The following ETV6 variants were observed in gnomAD, a reference collection of about 807,000 sequenced individuals.
ETV6 encodes the protein transcription factor ETV6.
A neutral mutation model predicts 51.1 loss-of-function variants in ETV6; 16 were observed. The ratio of observed to expected loss-of-function variants is 0.31; its 90% CI spans 0.21 to 0.48. The LOEUF is 0.48. ETV6 is among the 20% of genes least tolerant of loss of function. The probability of loss-of-function intolerance (pLI) is 0.99; values close to 1 mark genes in which losing one functional copy is unlikely to be tolerated. For missense variants in ETV6, 458 were observed against 594.8 expected (o/e 0.77, Z 2.39); for synonymous variants, 240 against 224.1 (o/e 1.07, Z -0.64).
At chr12:11,672,168 C>A (rs1028869456) in intron 1 of ETV6, among the ~76,000 whole-genome samples, 5 of 151,932 alleles carry the variant, frequency 3.3e-5, no homozygotes, top group Non-Finnish European at 7.4e-5. Flanking sequence ...TTCCTTCTGT[C>A]GCAAAATATA....
chr12:11,743,432 G>A (rs762493365), intron 1 of ETV6, among the ~76,000 whole-genome samples: 1 of 152,166 alleles, frequency 6.6e-6, no homozygotes, highest in African/African-American at 2.4e-5. Flanking sequence ...TGTGGTCCTG[G>A]TTGTAACCCA....
intron 2 of ETV6, among the ~76,000 whole-genome samples, chr12:11,805,101 G>A (rs1020640388): frequency 6.6e-6 from 1 of 152,230 alleles, no homozygotes; most frequent in African/African-American, 2.4e-5. Context: ...TGGGCTGGGG[G>A]AGGGTGGAAT....
intron 7 of ETV6, among the ~76,000 whole-genome samples, chr12:11,887,374 T>C (rs915502203): frequency 6.6e-6 from 1 of 152,174 alleles, no homozygotes; most frequent in Admixed American, 6.5e-5. Flanking sequence ...AAGAGTTTCC[T>C]GTAGGCTGTG....
At chr12:11,677,578 C>A (rs1443872099) in intron 1 of ETV6, among the ~76,000 whole-genome samples, 3 of 152,142 alleles carry the variant, frequency 2.0e-5, no homozygotes, top group African/African-American at 7.2e-5. Flanking sequence ...ATGTGAAGTC[C>A]AGTGAGTTGG....
intron 2 of ETV6, among the ~76,000 whole-genome samples, chr12:11,823,143 T>A (rs1488464357): frequency 1.3e-5 from 2 of 151,996 alleles, no homozygotes; most frequent in African/African-American, 4.8e-5. Context: ...ACCTCATTGG[T>A]TTTGTGGGGG....
rs1214877179 is a variant in ETV6, at chr12:11,869,364, G to T, written c.464-60G>T. 1.3e-6 allele frequency: 2 copies of T among 1,490,884 alleles called. No individual in the cohort carries two copies. The highest frequency in any genetic ancestry group is 4.5e-5 in the East Asian group (2 of 44,090). 92.4% of individuals were successfully genotyped at this position (1,490,884 alleles called of 1,614,324 possible). ...CCATTTACCGCCTGTAGAGCCGCAG[G>T]GAGTTTCCTGTCCTGCCAACTCACT... On this transcript the variant is annotated intron_variant, in intron 4 of 7. Coordinates refer to ENST00000396373, the MANE Select transcript of ETV6 (RefSeq NM_001987.5). The surrounding 1 kb of genome is among the most constrained non-coding windows in gnomAD (Gnocchi z 5.0).
At chr12:11,877,827 T>G (rs986439333) in intron 5 of ETV6, among the ~76,000 whole-genome samples, 8 of 152,236 alleles carry the variant, frequency 5.3e-5, no homozygotes, top group Admixed American at 5.2e-4. Flanking sequence ...TACCCATTTC[T>G]GGGCCCTTTT....
chr12:11,770,666 C>A (rs991604672), intron 2 of ETV6, among the ~76,000 whole-genome samples: 25 of 152,212 alleles, frequency 1.6e-4, no homozygotes, highest in Non-Finnish European at 1.0e-4. Context: ...AGAAAGGTGT[C>A]AGGGACCCAT....
At chr12:11,885,809 GGGCCACAGGCAGCA>G in intron 6 of ETV6, 103 bp from the exon 7 acceptor site, 2 of 695,978 alleles carry the variant, frequency 2.9e-6, no homozygotes, top group East Asian at 5.5e-5. Context: ...CAAACTGGCA[GGGCCACAGGCAGCA>G]GCTGAAGAGC....
At chr12:11,865,369 T>C (rs1946777856) in intron 4 of ETV6, among the ~76,000 whole-genome samples, 1 of 151,930 alleles carries the variant, frequency 6.6e-6, no homozygotes, top group Admixed American at 6.6e-5. Flanking sequence ...AATAATCTGC[T>C]AGTGTTCACT....
intron 1 of ETV6, among the ~76,000 whole-genome samples, chr12:11,726,763 C>G (rs1272406119): frequency 6.6e-6 from 1 of 152,178 alleles, no homozygotes; most frequent in African/African-American, 2.4e-5. Context: ...GAGCCAGACC[C>G]TGTCTTAAAA....
intron 4 of ETV6, among the ~76,000 whole-genome samples, chr12:11,865,436 T>A (rs1404759782): frequency 6.6e-6 from 1 of 151,798 alleles, no homozygotes; most frequent in Non-Finnish European, 1.5e-5. Flanking sequence ...CCAAACAACA[T>A]CTATACATTG....
Position 11,892,971 on chromosome 12 carries a change from A to G in ETV6, c.*1925A>G, listed in dbSNP as rs1003045101. 2 of 232,922 alleles carry G rather than the reference A, an allele frequency of 8.6e-6. No homozygotes were observed. The highest frequency in any genetic ancestry group is 4.4e-5 in the African/African-American group (2 of 45,304). The allele number at this position is 232,922 out of a possible 1,614,324, so 14.4% of individuals were successfully genotyped here. A position where few individuals can be genotyped will look rare whatever the true frequency, so the allele number is the denominator to read the frequency against. On this transcript the variant is annotated 3_prime_UTR_variant, in exon 8 of 8. Coordinates refer to ENST00000396373, the MANE Select transcript of ETV6 (RefSeq NM_001987.5). ...ACACGGGCATAGCCAGCCCACTCCT[A>G]CTGTCACAGGCGCCCCACCATTCAA...
chr12:11,861,014 G>T (rs1026908548), intron 4 of ETV6, among the ~76,000 whole-genome samples: 1 of 152,190 alleles, frequency 6.6e-6, no homozygotes, highest in African/African-American at 2.4e-5. Flanking sequence ...TCAGAACACG[G>T]CCTGTTTGGA....
intron 1 of ETV6, among the ~76,000 whole-genome samples, chr12:11,669,184 G>A (rs1489123920): frequency 1.3e-5 from 2 of 152,134 alleles, no homozygotes; most frequent in African/African-American, 4.8e-5. Flanking sequence ...CAAAATGACT[G>A]TTCACAAATC....
intron 2 of ETV6, among the ~76,000 whole-genome samples, chr12:11,770,373 C>A (rs375666776): frequency 6.6e-6 from 1 of 151,926 alleles, no homozygotes; most frequent in Non-Finnish European, 1.5e-5. Flanking sequence ...ACTTACCTCA[C>A]GCTTACTAGA....
chr12:11,891,648 C>CTTT lies in ETV6; in HGVS notation c.*605_*607dup. On this transcript the variant is annotated 3_prime_UTR_variant, in exon 8 of 8. Coordinates refer to ENST00000396373, the MANE Select transcript of ETV6 (RefSeq NM_001987.5). ...AAGATAAAATGAAAAGGAGAGCTCTCTTTTTCTCTCTCTTGCTCTGTTCTT... is the reference window on the plus strand; with the variant it reads ...AAGATAAAATGAAAAGGAGAGCTCTCTTTTTTTTCTCTCTCTTGCTCTGTTCTT... 1 of 526,634 alleles carries CTTT rather than the reference C, an allele frequency of 1.9e-6. No homozygotes were observed. Among genetic ancestry groups the CTTT allele is most frequent in the South Asian group, 1.6e-5 (1 of 63,042 alleles). The allele number at this position is 526,634 out of a possible 1,614,324, so 32.6% of individuals were successfully genotyped here. A position where few individuals can be genotyped will look rare whatever the true frequency, so the allele number is the denominator to read the frequency against.
intron 1 of ETV6, among the ~76,000 whole-genome samples, chr12:11,670,191 G>T (rs529157212): frequency 1.3e-5 from 2 of 152,180 alleles, no homozygotes; most frequent in Non-Finnish European, 2.9e-5. Context: ...ATAGTATTTG[G>T]TATCAAGCAC....
At chr12:11,744,511 C>T (rs558717125) in intron 1 of ETV6, among the ~76,000 whole-genome samples, 43 of 152,304 alleles carry the variant, frequency 2.8e-4, no homozygotes, top group African/African-American at 9.1e-4. Flanking sequence ...CCAGAGGTGA[C>T]GTCTGATGGT....
Sources: allele counts gnomAD v4.1 joint callset (sites outside exome capture counted in the v4.1 genomes callset), GRCh38; gene constraint gnomAD v4.1.1; non-coding constraint Gnocchi (gnomAD v3.1); transcripts MANE v1.5; gene names NCBI Gene and HGNC (gene_info 2026-07-23, HGNC 2026-07-21).